The following SH3BP4 variants were observed in gnomAD, a reference collection of about 807,000 sequenced individuals.
SH3BP4 encodes SH3 domain binding protein 4, also known as SH3 domain-binding protein 4.
SH3BP4 carries 33 observed loss-of-function variants against 65.5 expected under a neutral mutation model. The ratio of observed to expected loss-of-function variants is 0.50; its 90% CI spans 0.38 to 0.67. The LOEUF (loss-of-function observed/expected upper bound fraction) is 0.67. Among genes scored for constraint, SH3BP4 ranks in the 30% least tolerant of loss-of-function variants. The pLI, the probability that SH3BP4 is intolerant of heterozygous loss-of-function variation, is 0.00. For synonymous variants in SH3BP4, 552 were observed against 545.5 expected (o/e 1.01, Z -0.17); for missense variants, 1,134 against 1,261.4 (o/e 0.90, Z 1.53).
chr2:234,954,163 T>C (rs912199423), intron 1 of SH3BP4, among the ~76,000 whole-genome samples: 1 of 152,072 alleles, frequency 6.6e-6, no homozygotes, highest in Non-Finnish European at 1.5e-5. Context: ...GTGAGCTTTA[T>C]TATTATTTTT....
At chr2:235,050,453 C>T (rs529399004) in intron 4 of SH3BP4, among the ~76,000 whole-genome samples, 102 of 152,268 alleles carry the variant, frequency 6.7e-4, no homozygotes, top group African/African-American at 2.1e-3. Context: ...CAAAAACAAA[C>T]GGCCACCAGG....
At position 235,054,682 on chromosome 2, in the gene SH3BP4, G is replaced by C. The variant is rs1001540319; in HGVS notation, c.*866G>C. 1 of 152,208 alleles carries C rather than the reference G, an allele frequency of 6.6e-6. No homozygotes were observed. Among genetic ancestry groups the C allele is most frequent in the South Asian group, 2.1e-4 (1 of 4,830 alleles). The allele number at this position is 152,208 out of a possible 1,614,324, so 9.4% of individuals were successfully genotyped here. The stretch of plus-strand genomic sequence containing the variant: ...CCTGCTGCTACGAGGCCATTGTACT[G>C]TTTTTTCCTTGAGGTCAAAGCAGTG... On this transcript the variant is annotated 3_prime_UTR_variant, in exon 6 of 6. Transcript: ENST00000392011.
chr2:235,012,802 A>G (rs1304616299), intron 2 of SH3BP4, among the ~76,000 whole-genome samples: 2 of 152,332 alleles, frequency 1.3e-5, no homozygotes, highest in East Asian at 1.9e-4. Flanking sequence ...GTCCCAACTT[A>G]GTCCCCACTG....
chr2:235,038,380 TATA>T (rs1695514455), intron 3 of SH3BP4, among the ~76,000 whole-genome samples: 18 of 7,352 alleles, frequency 2.4e-3, no homozygotes, highest in African/African-American at 0.013. Flanking sequence ...TATATACATA[TATA>T]TATATATATA....
chr2:234,970,832 G>C (rs1692979635), intron 1 of SH3BP4, among the ~76,000 whole-genome samples: 1 of 152,102 alleles, frequency 6.6e-6, no homozygotes, highest in Non-Finnish European at 1.5e-5. Flanking sequence ...AAAGCAATTG[G>C]AGAGAGGGTT....
intron 3 of SH3BP4, among the ~76,000 whole-genome samples, chr2:235,039,670 T>G (rs58767964): frequency 6.6e-6 from 1 of 151,982 alleles, no homozygotes; most frequent in Non-Finnish European, 1.5e-5. Context: ...TCTGAATATA[T>G]CTTCTCATTT....
chr2:234,953,859 G>GCCC (rs1191681193), intron 1 of SH3BP4, among the ~76,000 whole-genome samples: 1 of 151,900 alleles, frequency 6.6e-6, no homozygotes, highest in Non-Finnish European at 1.5e-5. Context: ...AAATCCCTCA[G>GCCC]AGTGGGAAGC....
Position 235,026,742 on chromosome 2 carries a change from C to G in SH3BP4, c.-132-8129C>G, listed in dbSNP as rs997053481. ...CGTTCCTCATTTTTTCACCCTGTGGCGTGGTCTTGGCTCTGAATAACCGCT... is the reference window on the plus strand; with the variant it reads ...CGTTCCTCATTTTTTCACCCTGTGGGGTGGTCTTGGCTCTGAATAACCGCT... On this transcript the variant is annotated intron_variant, in intron 2 of 5. Transcript: ENST00000392011. This position sits in a 1 kb window ranked among gnomAD's most constrained non-coding sequence, Gnocchi z 4.6. 1.3e-5 allele frequency among the ~76,000 whole-genome samples: 2 copies of G among 152,112 alleles called. No homozygotes were observed. The highest frequency in any genetic ancestry group is 2.9e-5 in the Non-Finnish European group (2 of 68,018).
rs1695150713 is a variant in SH3BP4, at chr2:235,030,516, C to A, written c.-132-4355C>A. 6.6e-6 allele frequency among the ~76,000 whole-genome samples: 1 copy of A among 152,076 alleles called. No homozygotes were observed. The highest frequency in any genetic ancestry group is 6.5e-5 in the Admixed American group (1 of 15,276). On this transcript the variant is annotated intron_variant, in intron 2 of 5. Coordinates refer to ENST00000392011, the MANE Select transcript of SH3BP4 (RefSeq NM_014521.3). The surrounding 1 kb of genome is among the most constrained non-coding windows in gnomAD (Gnocchi z 4.1). ...TAAGGGGAGGACACATAACCGTCAG[C>A]GTCCACGTCTGTTGTTAGATGCCGT...
rs1359404932 is a variant in SH3BP4 at position 234,967,691 on chromosome 2, C to T, written c.-207+15521C>T. Among the ~76,000 whole-genome samples, 1 of 152,192 alleles carries T rather than the reference C, an allele frequency of 6.6e-6. No individual in the cohort carries two copies. The highest frequency in any genetic ancestry group is 1.9e-4 in the East Asian group (1 of 5,182). On this transcript the variant is annotated intron_variant, in intron 1 of 5. Coordinates refer to ENST00000392011, the MANE Select transcript of SH3BP4 (RefSeq NM_014521.3). The surrounding 1 kb of genome is among the most constrained non-coding windows in gnomAD (Gnocchi z 4.6). ...TCTTGGTTCTTGGTGCTCACCTCTGCACAGACAGGTGTCACTGAAGCCCCT... is the reference window on the plus strand; with the variant it reads ...TCTTGGTTCTTGGTGCTCACCTCTGTACAGACAGGTGTCACTGAAGCCCCT...
chr2:234,985,280 A>G (rs538623448), intron 1 of SH3BP4, among the ~76,000 whole-genome samples: 4 of 152,350 alleles, frequency 2.6e-5, no homozygotes, highest in Admixed American at 2.6e-4. Flanking sequence ...GTTTAGCTCC[A>G]TCCACCAAGA....
intron 2 of SH3BP4, among the ~76,000 whole-genome samples, chr2:235,016,954 T>A (rs370252296): frequency 6.6e-6 from 1 of 151,986 alleles, no homozygotes; most frequent in Non-Finnish European, 1.5e-5. Flanking sequence ...ACACGTTGAC[T>A]TCAGAAGATA....
chr2:235,009,547 C>G (rs1694408387), intron 2 of SH3BP4, among the ~76,000 whole-genome samples: 2 of 151,292 alleles, frequency 1.3e-5, no homozygotes, highest in Admixed American at 1.3e-4. Flanking sequence ...TCTGTTGTGT[C>G]TCTTCTCTCT....
At position 234,976,193 on chromosome 2, in the gene SH3BP4, G is replaced by T. The variant is rs534335177; in HGVS notation, c.-206-19110G>T. ...GATTCCCCATCTACCCATGAAGAGC[G>T]GCTCCTGCGGGGTGGCCCGGGTTAC... is the stretch of plus-strand genomic sequence containing the variant. On this transcript the variant is annotated intron_variant, in intron 1 of 5. Coordinates refer to ENST00000392011, the MANE Select transcript of SH3BP4 (RefSeq NM_014521.3). This position sits in a 1 kb window ranked among gnomAD's most constrained non-coding sequence, Gnocchi z 4.7. 1.3e-5 allele frequency among the ~76,000 whole-genome samples: 2 copies of T among 152,166 alleles called. No homozygotes were observed. Among genetic ancestry groups the T allele is most frequent in the Non-Finnish European group, 2.9e-5 (2 of 68,032 alleles).
chr2:234,966,433 C>T (rs899336868), intron 1 of SH3BP4, among the ~76,000 whole-genome samples: 2 of 152,192 alleles, frequency 1.3e-5, no homozygotes, highest in South Asian at 4.1e-4. Context: ...AGAGCAGCTA[C>T]AGGCAGTCAC....
intron 4 of SH3BP4, among the ~76,000 whole-genome samples, chr2:235,050,682 G>A (rs1696020147): frequency 6.6e-6 from 1 of 151,878 alleles, no homozygotes; most frequent in African/African-American, 2.4e-5. Flanking sequence ...ACTCCCCCCA[G>A]GTAAACATAA....
Position 235,053,885 on chromosome 2 carries a change from C to T in SH3BP4, c.*69C>T, listed in dbSNP as rs1158691136. The T allele has an allele frequency of 4.7e-6, 6 of 1,285,494 alleles. No individual in the cohort carries two copies. Among genetic ancestry groups the T allele is most frequent in the East Asian group, 4.7e-5 (2 of 42,988 alleles). The allele number at this position is 1,285,494 out of a possible 1,614,324, so 79.6% of individuals were successfully genotyped here. ...TCTGCCCTGCGTGCCCTGCTGTCAC[C>T]GCGGAGCTGAAGAGGGAGGAAGGGG... On this transcript the variant is annotated 3_prime_UTR_variant, in exon 6 of 6. Transcript: ENST00000392011.
In SH3BP4 at chr2:235,042,425, C is replaced by T. The variant is rs1355104098; in HGVS notation, c.1656C>T (p.Ala552=). The change falls in exon 4 of 6, where the codon GCC becomes GCT. Residue 552 remains alanine (A), a synonymous_variant. Coordinates refer to ENST00000392011, the MANE Select transcript of SH3BP4 (RefSeq NM_014521.3). This position sits in a 1 kb window ranked among gnomAD's most constrained non-coding sequence, Gnocchi z 7.3. ...FSNMTNYEVK[A]SEQAKVVRGF... ...ATATGACGAATTACGAGGTCAAAGC[C>T]AGCGAGCAGGCCAAAGTGGTGCGAG... 6.2e-7 allele frequency: 1 copy of T among 1,614,178 alleles called. No homozygotes were observed. Among genetic ancestry groups the T allele is most frequent in the South Asian group, 1.1e-5 (1 of 91,082 alleles).
At chr2:234,966,887 G>C (rs1377842837) in intron 1 of SH3BP4, among the ~76,000 whole-genome samples, 3 of 152,206 alleles carry the variant, frequency 2.0e-5, no homozygotes, top group Admixed American at 2.0e-4. Flanking sequence ...CATTATTCTT[G>C]ATAGTAGAAA....
Sources: allele counts gnomAD v4.1 joint callset (sites outside exome capture counted in the v4.1 genomes callset), GRCh38; gene constraint gnomAD v4.1.1; non-coding constraint Gnocchi (gnomAD v3.1); transcripts MANE v1.5; gene names NCBI Gene and HGNC (gene_info 2026-07-23, HGNC 2026-07-21).